DST: variants seen among roughly 807,000 people sequenced by gnomAD.
DST encodes dystonin.
In DST, 253 loss-of-function variants were observed where a neutral mutation model predicts 875.2. That is an observed-to-expected ratio of 0.29 (90% CI 0.26 to 0.32). DST has a LOEUF of 0.32. Among genes scored for constraint, DST ranks in the 10% least tolerant of loss-of-function variants. The probability of loss-of-function intolerance (pLI) is 1.00; values close to 1 mark genes in which losing one functional copy is unlikely to be tolerated. For synonymous variants in DST, 3,124 were observed against 3,197.1 expected (o/e 0.98, Z 0.77); for missense variants, 8,287 against 9,111.6 (o/e 0.91, Z 3.68).
chr6:56,495,026 T>G (rs2095862159), intron 82 of DST, among the ~76,000 whole-genome samples: 1 of 151,984 alleles, frequency 6.6e-6, no homozygotes, highest in Admixed American at 6.6e-5. Context: ...AATTCAGTGT[T>G]TTTAAAATTA....
chr6:56,490,766 A>C (rs1483756253), intron 85 of DST, among the ~76,000 whole-genome samples: 2 of 152,196 alleles, frequency 1.3e-5, no homozygotes, highest in Admixed American at 6.5e-5. Context: ...AATACAGGCT[A>C]TAACAGTTGG....
intron 27 of DST, among the ~76,000 whole-genome samples, chr6:56,633,588 C>A (rs972518319): frequency 6.6e-6 from 1 of 150,746 alleles, no homozygotes; most frequent in Non-Finnish European, 1.5e-5. Context: ...GCAACCTCTG[C>A]CCCCCAGGTC....
At chr6:56,869,550 A>C (rs1480406908) in intron 3 of DST, among the ~76,000 whole-genome samples, 1 of 152,150 alleles carries the variant, frequency 6.6e-6, no homozygotes, top group African/African-American at 2.4e-5. Flanking sequence ...TGAGATTGCA[A>C]GGACACTTGC....
intron 10 of DST, among the ~76,000 whole-genome samples, chr6:56,658,770 C>T (rs1477740640): frequency 2.0e-5 from 3 of 152,138 alleles, no homozygotes; most frequent in Non-Finnish European, 4.4e-5. Flanking sequence ...CTGAGAACAG[C>T]CACTGTGCAT....
rs1490336515 is a variant in DST, at chr6:56,851,878, T to C, written c.418-274A>G. 7 of 1,550,482 alleles carry C rather than the reference T, an allele frequency of 4.5e-6. No homozygotes were observed. The Admixed American group carries it at 1.4e-4, about 31-fold the overall frequency. ...TTGCACGGAAGAAGTGTGTGGCCTG[T>C]GGTCCGGCCACCAGCTCACAAATGA... is the stretch of plus-strand genomic sequence containing the variant. On this transcript the variant is annotated intron_variant, in intron 3 of 103. Transcript: ENST00000680361.
chr6:56,618,192 T>G lies in DST; in HGVS notation c.4930-3708A>C, dbSNP rs1554503638. The G allele has an allele frequency of 6.2e-7, 1 of 1,614,188 alleles. No homozygotes were observed. Among genetic ancestry groups the G allele is most frequent in the Non-Finnish European group, 8.5e-7 (1 of 1,180,032 alleles). On this transcript the variant is annotated intron_variant, in intron 36 of 103. Coordinates refer to ENST00000680361, the MANE Select transcript of DST (RefSeq NM_001374736.1). ...GAGTAACACTGCTGGCTTTTCTCTT[T>G]CTCGAGTGGAGCCCCTGGTGGCTGG... is the stretch of plus-strand genomic sequence containing the variant.
intron 5 of DST, among the ~76,000 whole-genome samples, chr6:56,722,184 C>T (rs1186087242): frequency 6.6e-6 from 1 of 151,926 alleles, no homozygotes; most frequent in Non-Finnish European, 1.5e-5. Context: ...TCCAAAGGCT[C>T]CTTGGTTAGA....
Position 56,603,551 on chromosome 6 carries a change from A to G in DST, c.10941+13T>C, listed in dbSNP as rs1380195825. 1 of 1,602,246 alleles carries G rather than the reference A, an allele frequency of 6.2e-7. No homozygotes were observed. The highest frequency in any genetic ancestry group is 1.7e-4 in the Middle Eastern group (1 of 5,938). ...TGACTACCATCCATAAAGAGGCAGT[A>G]GACAATTCTTACCTCCAACTGTCTA... On this transcript the variant is annotated intron_variant, in intron 41 of 103. Coordinates refer to ENST00000680361, the MANE Select transcript of DST (RefSeq NM_001374736.1).
At chr6:56,931,805 C>T (rs1288587414) in intron 2 of DST, among the ~76,000 whole-genome samples, 1 of 152,154 alleles carries the variant, frequency 6.6e-6, no homozygotes, top group Non-Finnish European at 1.5e-5. Context: ...TTTGGAACTG[C>T]TGTATTTACC....
At chr6:56,924,797 A>T (rs917910534) in intron 2 of DST, among the ~76,000 whole-genome samples, 4 of 152,150 alleles carry the variant, frequency 2.6e-5, no homozygotes, top group African/African-American at 9.7e-5. Flanking sequence ...AAAATAAGTG[A>T]CATATGTGTT....
chr6:56,604,819 G>T lies in DST; in HGVS notation c.9809C>A (p.Ala3270Asp), dbSNP rs1026389672. 15 of 1,612,590 alleles carry T rather than the reference G, an allele frequency of 9.3e-6. No individual in the cohort carries two copies. The highest frequency in any genetic ancestry group is 1.1e-5 in the Non-Finnish European group (13 of 1,179,194). The change falls in exon 40 of 104, where the codon GCC becomes GAC. Residue 3270 changes from alanine to aspartate, a missense_variant. Physicochemically the swap from Ala to Asp is moderately radical, Grantham distance 126. This residue lies in a region of DST where 3,138 missense variants were observed against 3,116.6 expected (regional missense o/e 1.01). Coordinates refer to ENST00000680361, the MANE Select transcript of DST (RefSeq NM_001374736.1). ...ISQFTPESIE[A>D]TLSILSRKHV... The stretch of plus-strand genomic sequence containing the variant: ...TTTACGAGATAATATTGAAAGTGTG[G>T]CTTCAATACTTTCTGGTGTGAACTG...
chr6:56,879,082 G>C (rs1780804971), intron 3 of DST, among the ~76,000 whole-genome samples: 3 of 152,124 alleles, frequency 2.0e-5, no homozygotes, highest in Admixed American at 1.3e-4. Flanking sequence ...TCAATAAATA[G>C]ATTATACACA....
intron 2 of DST, among the ~76,000 whole-genome samples, chr6:56,941,651 T>C (rs1346039516): frequency 6.6e-6 from 1 of 152,134 alleles, no homozygotes; most frequent in African/African-American, 2.4e-5. Flanking sequence ...TTGGCTAATT[T>C]TTGTATTTTT....
intron 36 of DST, among the ~76,000 whole-genome samples, chr6:56,617,750 T>C (rs985179224): frequency 6.6e-6 from 1 of 152,222 alleles, no homozygotes; most frequent in Admixed American, 6.5e-5. Context: ...TCCACAGATA[T>C]AACAGTATAT....
intron 82 of DST, among the ~76,000 whole-genome samples, chr6:56,494,501 A>C (rs1488800444): frequency 6.6e-6 from 1 of 152,154 alleles, no homozygotes; most frequent in Non-Finnish European, 1.5e-5. Flanking sequence ...AGTTTGGGCA[A>C]GTAATTTCAT....
At chr6:56,647,163 A>G (rs968910887) in intron 13 of DST, among the ~76,000 whole-genome samples, 1 of 152,254 alleles carries the variant, frequency 6.6e-6, no homozygotes, top group Non-Finnish European at 1.5e-5. Flanking sequence ...TTGAACATGA[A>G]ATCTGAAAAT....
chr6:56,918,248 T>A (rs1802314663), intron 2 of DST, among the ~76,000 whole-genome samples: 1 of 151,842 alleles, frequency 6.6e-6, no homozygotes, highest in South Asian at 2.1e-4. Context: ...TGCCTCAACC[T>A]CCTGAGTAGT....
At chr6:56,696,614 T>G (rs1170729822) in intron 9 of DST, among the ~76,000 whole-genome samples, 1 of 152,278 alleles carries the variant, frequency 6.6e-6, no homozygotes, top group East Asian at 1.9e-4. Flanking sequence ...TGCTTCTACC[T>G]CCCAACCCTT....
rs149610835 is a variant in DST at position 56,644,583 on chromosome 6, C to T, written c.1778+1283G>A. Among the ~76,000 whole-genome samples the T allele has an allele frequency of 3.5e-4, 54 of 152,146 alleles. No homozygotes were observed. In the East Asian group the frequency reaches 4.8e-3, roughly 14 times the overall value. On this transcript the variant is annotated intron_variant, in intron 15 of 103. Transcript: ENST00000680361. The stretch of plus-strand genomic sequence containing the variant: ...GAATAGGCAAGACTTAAGCAATCAC[C>T]GAAATAAATATAAAAATACAACCAA...
Sources: gnomAD v4.1 joint callset for allele counts (sites outside exome capture counted in the v4.1 genomes callset) on GRCh38, gnomAD v4.1.1 for gene constraint, gnomAD v4.1.1 regional missense constraint, MANE v1.5 for transcripts, NCBI Gene and HGNC (gene_info 2026-07-23, HGNC 2026-07-21) for gene names.